UNC13C: variants seen among roughly 807,000 people sequenced by gnomAD.
The protein encoded by UNC13C is protein unc-13 homolog C.
In UNC13C, 174 loss-of-function variants were observed where a neutral mutation model predicts 245.4. The ratio of observed to expected loss-of-function variants is 0.71; its 90% CI spans 0.63 to 0.80. The LOEUF is 0.80. UNC13C is among the 30% of genes least tolerant of loss of function. UNC13C has a pLI of 0.00. For synonymous variants in UNC13C, 992 were observed against 895.1 expected (o/e 1.11, Z -1.93); for missense variants, 2,829 against 2,602.9 (o/e 1.09, Z -1.89).
intron 17 of UNC13C, among the ~76,000 whole-genome samples, chr15:54,349,272 T>G (rs2038927984): frequency 6.6e-6 from 1 of 151,546 alleles, no homozygotes; most frequent in Non-Finnish European, 1.5e-5. Context: ...TTGCCATGTC[T>G]TATGTATTTT....
rs900843910 is a variant in UNC13C, at chr15:54,265,471, C to G, written c.3793C>G (p.Pro1265Ala). ...AAAAACCATTTTTGGAAATTTGAAT[C>G]CAGTATGGGATGAGAAGTTTTATTT... ...RTKTIFGNLNPVWDEKFYFEC... is the reference protein window; with the variant it reads ...RTKTIFGNLNAVWDEKFYFEC... Residue 1265 changes from proline (P) to alanine (A), a missense_variant, in exon 10 of 33, where the codon CCA becomes GCA. Transcript: ENST00000260323. 3.2e-6 allele frequency: 5 copies of G among 1,555,294 alleles called. No individual in the cohort carries two copies. The highest frequency in any genetic ancestry group is 1.4e-5 in the African/African-American group (1 of 73,600).
At chr15:54,490,463 G>A (rs1487645776) in intron 19 of UNC13C, among the ~76,000 whole-genome samples, 1 of 152,092 alleles carries the variant, frequency 6.6e-6, no homozygotes, top group Non-Finnish European at 1.5e-5. Flanking sequence ...AGGATGAATT[G>A]GAGGAGATCT....
the UNC13C span, among the ~76,000 whole-genome samples, chr15:53,864,788 A>G: frequency 1.3e-5 from 2 of 152,196 alleles, no homozygotes; most frequent in South Asian, 2.1e-4. Context: ...GGCATTGGAG[A>G]CCATATGACA....
Position 54,567,881 on chromosome 15 carries a change from C to G in UNC13C, c.6040C>G (p.Leu2014Val). 1 of 1,598,358 alleles carries G rather than the reference C, an allele frequency of 6.3e-7. No individual in the cohort carries two copies. The highest frequency in any genetic ancestry group is 8.5e-7 in the Non-Finnish European group (1 of 1,171,392). The change falls in exon 30 of 33, where the codon CTC (leucine) becomes GTC (valine). Residue 2014 changes from leucine (L) to valine (V), a missense_variant. Leu to Val is a conservative substitution (Grantham distance 32). Transcript: ENST00000260323. ...AGATCTTCAGTCTCTGAGATATGCT[C>G]TCAGTCTTTATACCCAAACTACTGA... The part of the protein sequence containing the change: ...SPDLQSLRYA[L>V]SLYTQTTDAL...
At chr15:54,579,773 C>G (rs1310244916) in intron 30 of UNC13C, among the ~76,000 whole-genome samples, 1 of 151,966 alleles carries the variant, frequency 6.6e-6, no homozygotes, top group Non-Finnish European at 1.5e-5. Context: ...AAGAAAAAAA[C>G]AAGAAAAACT....
downstream of UNC13C, chr15:54,629,307 T>TAAGAA: frequency 6.6e-6 from 1 of 152,084 alleles, no homozygotes; most frequent in East Asian, 1.9e-4. Context: ...AGGGAAAAGA[T>TAAGAA]AAGAAAAAGT....
the UNC13C span, among the ~76,000 whole-genome samples, chr15:53,964,964 A>G: frequency 6.6e-6 from 1 of 152,176 alleles, no homozygotes; most frequent in Admixed American, 6.6e-5. Context: ...TCTTTTAGGT[A>G]AGAAAATACA....
chr15:53,984,233 C>G (rs554372431), intron 1 of UNC13C, among the ~76,000 whole-genome samples: 1 of 152,112 alleles, frequency 6.6e-6, no homozygotes, highest in Admixed American at 6.6e-5. Flanking sequence ...ATCTGACTGC[C>G]TTCCCAGCTT....
At chr15:54,630,433 CTACAT>C (rs753265405), downstream of UNC13C, 5 of 152,110 alleles carry the variant, frequency 3.3e-5, no homozygotes, top group African/African-American at 1.2e-4. Flanking sequence ...TTTAATTTCT[CTACAT>C]TACATAAAGA....
intron 2 of UNC13C, among the ~76,000 whole-genome samples, chr15:54,131,667 G>A (rs1287359636): frequency 6.6e-6 from 1 of 152,150 alleles, no homozygotes; most frequent in Admixed American, 6.5e-5. Context: ...CATGTTTAGA[G>A]TTTGGTGCTA....
At chr15:54,133,568 T>A (rs1284009526) in intron 2 of UNC13C, among the ~76,000 whole-genome samples, 1 of 152,152 alleles carries the variant, frequency 6.6e-6, no homozygotes, top group Non-Finnish European at 1.5e-5. Context: ...CGACATTAAA[T>A]TGCTGAGCTG....
At chr15:54,296,974 C>T (rs1235603572) in intron 11 of UNC13C, among the ~76,000 whole-genome samples, 1 of 152,148 alleles carries the variant, frequency 6.6e-6, no homozygotes, top group Non-Finnish European at 1.5e-5. Context: ...TGTTTCCATT[C>T]AAATAAACAG....
At chr15:54,422,367 A>T (rs529825238) in intron 19 of UNC13C, among the ~76,000 whole-genome samples, 2 of 152,142 alleles carry the variant, frequency 1.3e-5, no homozygotes, top group Admixed American at 6.6e-5. Context: ...TTGCTTTCTT[A>T]TGATCCATTA....
intron 2 of UNC13C, among the ~76,000 whole-genome samples, chr15:54,095,330 G>C (rs1003387006): frequency 1.3e-5 from 2 of 152,152 alleles, no homozygotes; most frequent in African/African-American, 4.8e-5. Context: ...GGGTTGTAGT[G>C]GGGTAAGCAG....
rs1398393036 is a variant in UNC13C at position 54,560,440 on chromosome 15, A to G, written c.5958+4928A>G. On this transcript the variant is annotated intron_variant, in intron 29 of 32. Coordinates refer to ENST00000260323, the MANE Select transcript of UNC13C (RefSeq NM_001080534.3). ...TGATTTTTTAAAATTTAGCAGTACT[A>G]TTTTTTTTTTGCCTCTCAAATCACA... Among the ~76,000 whole-genome samples the G allele has an allele frequency of 3.4e-5, 5 of 148,314 alleles. No homozygotes were observed. In the East Asian group the frequency reaches 5.9e-4, roughly 18 times the overall value.
At chr15:54,282,365 G>C (rs77150814) in intron 10 of UNC13C, among the ~76,000 whole-genome samples, 6,945 of 152,202 alleles carry the variant, frequency 0.046, 521 homozygotes, top group African/African-American at 0.16. Flanking sequence ...TGTAGAAGGG[G>C]CGCCCTCTCT....
intron 8 of UNC13C, among the ~76,000 whole-genome samples, chr15:54,262,117 CTCTT>C (rs1231695222): frequency 6.6e-6 from 1 of 152,108 alleles, no homozygotes; most frequent in Non-Finnish European, 1.5e-5. Context: ...GATGAAAAAT[CTCTT>C]TATATTCTAG....
chr15:54,462,394 G>A (rs1190902496), intron 19 of UNC13C, among the ~76,000 whole-genome samples: 2 of 152,202 alleles, frequency 1.3e-5, no homozygotes, highest in Admixed American at 1.3e-4. Context: ...CACTGTGGGA[G>A]CCCCTCTCTG....
chr15:54,042,746 G>A (rs949976820), intron 2 of UNC13C, among the ~76,000 whole-genome samples: 5 of 152,072 alleles, frequency 3.3e-5, no homozygotes, highest in East Asian at 3.9e-4. Flanking sequence ...CCAGCTACTC[G>A]GGAGGCTGAA....
Sources: gnomAD v4.1 joint callset for allele counts (sites outside exome capture counted in the v4.1 genomes callset) on GRCh38, gnomAD v4.1.1 for gene constraint, MANE v1.5 for transcripts, NCBI Gene and HGNC (gene_info 2026-07-23, HGNC 2026-07-21) for gene names.